PTCD2: variants seen among roughly 807,000 people sequenced by gnomAD.
PTCD2 encodes the protein pentatricopeptide repeat-containing protein 2, mitochondrial.
Under a neutral mutation model 42.6 loss-of-function variants are expected in PTCD2, and 31 were observed. The observed-to-expected ratio is 0.73, with a 90% CI of 0.55 to 0.98. The LOEUF is 0.98. Among genes scored for constraint, PTCD2 ranks in the 50% least tolerant of loss-of-function variants. The pLI, the probability that PTCD2 is intolerant of heterozygous loss-of-function variation, is 0.00. For missense variants in PTCD2, 476 were observed against 454.8 expected (o/e 1.05, Z -0.42); for synonymous variants, 183 against 170.9 (o/e 1.07, Z -0.55).
intron 8 of PTCD2, among the ~76,000 whole-genome samples, chr5:72,345,437 C>T (rs778931855): frequency 2.4e-4 from 37 of 152,158 alleles, no homozygotes; most frequent in African/African-American, 7.9e-4. Flanking sequence ...GGTCCTGAGG[C>T]GACATACATC....
chr5:72,322,376 G>A (rs933234488), intron 2 of PTCD2, 112 bp downstream of exon 2: 4 of 706,798 alleles, frequency 5.7e-6, no homozygotes, highest in Non-Finnish European at 1.0e-5. Context: ...AGAAAAAGTT[G>A]AGACCATTTA....
In PTCD2 at chr5:72,358,183, G is replaced by A. The variant is rs1561400319; in HGVS notation, c.943-20G>A. The stretch of plus-strand genomic sequence containing the variant: ...AGAAATCTTGCAGAGATGTAATGAT[G>A]TGTTCTTGCTTTTTTCCAGCTGGCC... On this transcript the variant is annotated intron_variant, in intron 9 of 9. Coordinates refer to ENST00000380639, the MANE Select transcript of PTCD2 (RefSeq NM_024754.5). 7 of 1,590,264 alleles carry A rather than the reference G, an allele frequency of 4.4e-6. No individual in the cohort carries two copies. Among genetic ancestry groups the A allele is most frequent in the Non-Finnish European group, 6.0e-6 (7 of 1,159,602 alleles).
intron 4 of PTCD2, among the ~76,000 whole-genome samples, chr5:72,332,590 T>C (rs906978440): frequency 3.9e-5 from 6 of 152,170 alleles, no homozygotes; most frequent in African/African-American, 1.4e-4. Flanking sequence ...CCCACTGTAA[T>C]AAATCATAGC....
Position 72,322,181 on chromosome 5 carries a change from A to T in PTCD2, c.137A>T (p.Tyr46Phe), listed in dbSNP as rs771327394. Residue 46 changes from tyrosine (Y) to phenylalanine (F), a missense_variant, in exon 2 of 10, where the codon TAC (tyrosine) becomes TTC (phenylalanine). By Grantham distance (22) the Tyr-to-Phe change is conservative (BLOSUM62 3). Coordinates refer to ENST00000380639, the MANE Select transcript of PTCD2 (RefSeq NM_024754.5). ...SCRCPLGAKR[Y>F]LLTDNVVKLK... Reference sequence around the variant, plus strand: ...TTTCTCTGATTTTTAGCTAAAAGATACCTACTTACAGATAATGTGGTGAAA... The same window carrying T: ...TTTCTCTGATTTTTAGCTAAAAGATTCCTACTTACAGATAATGTGGTGAAA... 31 of 1,563,578 alleles carry T rather than the reference A, an allele frequency of 2.0e-5. No individual in the cohort carries two copies. The highest frequency in any genetic ancestry group is 2.6e-5 in the Non-Finnish European group (29 of 1,136,868).
intron 2 of PTCD2, 53 bp downstream of exon 2, chr5:72,322,317 C>A (rs561990119): frequency 1.8e-6 from 2 of 1,098,632 alleles, no homozygotes; most frequent in East Asian, 2.4e-5. Flanking sequence ...TTAAGTTTCT[C>A]TGTCTTTATC....
chr5:72,325,373 A>G (rs1419574767), intron 2 of PTCD2, among the ~76,000 whole-genome samples: 1 of 152,222 alleles, frequency 6.6e-6, no homozygotes, highest in East Asian at 1.9e-4. Flanking sequence ...TGAAAATGAG[A>G]ACAATAATGT....
Position 72,358,310 on chromosome 5 carries a change from G to A in PTCD2, c.1050G>A (p.Leu350=), listed in dbSNP as rs941169758. ...CTGGCCAGGTCACCACTGATTCTTT[G>A]GATGCTGTGCTCTGCCACACCCCCA... The part of the protein sequence containing the change: ...HITGQVTTDS[L]DAVLCHTPRD... The change falls in exon 10 of 10, where the codon TTG becomes TTA. Residue 350 remains leucine (L), a synonymous_variant. Coordinates refer to ENST00000380639, the MANE Select transcript of PTCD2 (RefSeq NM_024754.5). 9 of 1,613,954 alleles carry A rather than the reference G, an allele frequency of 5.6e-6. No individual in the cohort carries two copies. Among genetic ancestry groups the A allele is most frequent in the Non-Finnish European group, 7.6e-6 (9 of 1,179,956 alleles).
intron 9 of PTCD2, among the ~76,000 whole-genome samples, chr5:72,354,842 T>C (rs1202758438): frequency 6.6e-6 from 1 of 152,212 alleles, no homozygotes; most frequent in Non-Finnish European, 1.5e-5. Flanking sequence ...TTTCCATCAC[T>C]AGACAACTAG....
At chr5:72,334,952 AG>A (rs1426038792) in intron 4 of PTCD2, 65 bp from the exon 5 acceptor site, 44 of 952,344 alleles carry the variant, frequency 4.6e-5, no homozygotes, top group Non-Finnish European at 7.3e-5. Context: ...GATAAGAGAC[AG>A]TAAAAGTACC....
chr5:72,358,231 A>G lies in PTCD2; in HGVS notation c.971A>G (p.Asp324Gly), dbSNP rs1182881792. The G allele has an allele frequency of 1.2e-6, 2 of 1,614,054 alleles. No individual in the cohort carries two copies. The highest frequency in any genetic ancestry group is 1.7e-5 in the Admixed American group (1 of 60,008). The part of the protein sequence containing the change: ...VLAKVREKVK[D>G]VPALVAKFDE... ...GCCAAAGTGAGGGAAAAAGTGAAGG[A>G]TGTGCCTGCCCTTGTGGCCAAATTT... Residue 324 changes from aspartate (D) to glycine (G), a missense_variant, in exon 10 of 10, where the codon GAT (aspartate) becomes GGT (glycine). Coordinates refer to ENST00000380639, the MANE Select transcript of PTCD2 (RefSeq NM_024754.5).
chr5:72,335,118 T>A (rs772024835), intron 5 of PTCD2, 22 bp downstream of exon 5: 2 of 1,359,672 alleles, frequency 1.5e-6, no homozygotes. Flanking sequence ...AATTTCTATT[T>A]GCTGAAAAAT....
At chr5:72,358,085 C>T (rs950909853) in intron 9 of PTCD2, 118 bp from the exon 10 acceptor site, 5 of 891,756 alleles carry the variant, frequency 5.6e-6, no homozygotes, top group Non-Finnish European at 8.7e-6. Context: ...AAGCATGGGC[C>T]ACCTCGCCTG....
At chr5:72,320,643 A>C in intron 1 of PTCD2, 134 bp downstream of exon 1, 1 of 1,297,340 alleles carries the variant, frequency 7.7e-7, no homozygotes. Flanking sequence ...CTCGCCCTCT[A>C]GTTGCACGTG....
intron 5 of PTCD2, chr5:72,335,455 C>CAAAAA (rs11397039): frequency 4.9e-5 from 6 of 122,454 alleles, no homozygotes; most frequent in South Asian, 5.1e-4. Flanking sequence ...GACTCCGTCT[C>CAAAAA]AAAAAAAAAA....
At chr5:72,358,123 A>C in intron 9 of PTCD2, 80 bp from the exon 10 acceptor site, 1 of 1,303,468 alleles carries the variant, frequency 7.7e-7, no homozygotes, top group East Asian at 2.5e-5. Flanking sequence ...GTTCATGTCC[A>C]TTTCTTTTTC....
chr5:72,322,068 A>G, intron 1 of PTCD2, 104 bp from the exon 2 acceptor site: 4 of 653,680 alleles, frequency 6.1e-6, no homozygotes, highest in Non-Finnish European at 8.3e-6. Context: ...TGTCTAATGG[A>G]TTATCTATAA....
intron 6 of PTCD2, among the ~76,000 whole-genome samples, chr5:72,337,368 A>G (rs1295530341): frequency 1.3e-5 from 2 of 151,820 alleles, no homozygotes; most frequent in African/African-American, 4.8e-5. Flanking sequence ...ATACCATTCT[A>G]TGATTCTAGG....
At chr5:72,338,855 A>G in intron 7 of PTCD2, 120 bp downstream of exon 7, 1 of 526,394 alleles carries the variant, frequency 1.9e-6, no homozygotes, top group Non-Finnish European at 3.4e-6. Flanking sequence ...CACCATAAAG[A>G]GACCAATGCC....
chr5:72,357,539 T>C (rs943842751), intron 9 of PTCD2, among the ~76,000 whole-genome samples: 2 of 152,218 alleles, frequency 1.3e-5, no homozygotes, highest in South Asian at 4.1e-4. Context: ...GATGCTCTGA[T>C]GGCTTTTTTA....
Sources: gnomAD v4.1 joint callset for allele counts (sites outside exome capture counted in the v4.1 genomes callset) on GRCh38, gnomAD v4.1.1 for gene constraint, MANE v1.5 for transcripts, NCBI Gene and HGNC (gene_info 2026-07-23, HGNC 2026-07-21) for gene names.